Variants in BBS1 observed in about 807,000 individuals in gnomAD.
BBS1 encodes Bardet-Biedl syndrome 1.
BBS1 carries 60 observed loss-of-function variants against 73.9 expected under a neutral mutation model. The observed-to-expected ratio is 0.81, with a 90% CI of 0.66 to 1.01. The LOEUF is 1.01. BBS1 is among the 50% of genes least tolerant of loss of function. BBS1 has a pLI of 0.00. For synonymous variants in BBS1, 283 were observed against 317.4 expected (o/e 0.89, Z 1.15); for missense variants, 718 against 770.3 (o/e 0.93, Z 0.80).
rs1435869868 is a variant in BBS1 at position 66,533,292 on chromosome 11, TAC to T, written c.*1259_*1260del. Reference sequence around the variant, plus strand: ...ACATACCCACTTACTAATGTGGAATTACACAGTTTGTAACAAGAAAACAGTCT... The same window carrying T: ...ACATACCCACTTACTAATGTGGAATTACAGTTTGTAACAAGAAAACAGTCT... On this transcript the variant is annotated 3_prime_UTR_variant, in exon 17 of 17. Transcript: ENST00000318312. The T allele has an allele frequency of 2.0e-5, 3 of 152,356 alleles. No homozygotes were observed. Among genetic ancestry groups the T allele is most frequent in the South Asian group, 2.1e-4 (1 of 4,832 alleles). 9.4% of individuals were successfully genotyped at this position (152,356 alleles called of 1,614,324 possible).
intron 3 of BBS1, among the ~76,000 whole-genome samples, chr11:66,513,356 G>A (rs1038066081): frequency 2.0e-5 from 3 of 152,084 alleles, no homozygotes; most frequent in African/African-American, 7.2e-5. Context: ...AGAAAGTTGA[G>A]ACCCATATAA....
chr11:66,526,609 C>A, intron 12 of BBS1, 40 bp from the exon 13 acceptor site: 1 of 1,613,658 alleles, frequency 6.2e-7, no homozygotes, highest in Non-Finnish European at 8.5e-7. Flanking sequence ...GTGGGTAGAA[C>A]TGGGGAGGAC....
intron 9 of BBS1, 153 bp from the exon 10 acceptor site, chr11:66,523,303 C>CTT (rs1856321828): frequency 5.7e-6 from 6 of 1,056,328 alleles, no homozygotes; most frequent in Non-Finnish European, 8.8e-6. Flanking sequence ...CACACATTTA[C>CTT]TAAGGTGGCA....
Position 66,523,711 on chromosome 11 carries a change from T to C in BBS1, c.952-13T>C. 6.2e-7 allele frequency: 1 copy of C among 1,610,788 alleles called. No individual in the cohort carries two copies. The highest frequency in any genetic ancestry group is 1.1e-5 in the South Asian group (1 of 91,074). On this transcript the variant is annotated splice_polypyrimidine_tract_variant and intron_variant, in intron 10 of 16. Coordinates refer to ENST00000318312, the MANE Select transcript of BBS1 (RefSeq NM_024649.5). ...CCCTGAGCCCTCCACAGACGCTGGC[T>C]GTTCCCTGCCAGGGGAAGAAGCTGT...
chr11:66,531,753 C>T lies in BBS1; in HGVS notation c.1695+11C>T. ...TCAGACATCATCAAGGTAGGCCCCGCACTTGTACCACGTGGAAGGTGAGCA... is the reference window on the plus strand; with the variant it reads ...TCAGACATCATCAAGGTAGGCCCCGTACTTGTACCACGTGGAAGGTGAGCA... On this transcript the variant is annotated intron_variant, in intron 16 of 16. Transcript: ENST00000318312. 3 of 1,613,904 alleles carry T rather than the reference C, an allele frequency of 1.9e-6. No homozygotes were observed. Among genetic ancestry groups the T allele is most frequent in the Non-Finnish European group, 2.5e-6 (3 of 1,179,954 alleles).
intron 7 of BBS1, 93 bp downstream of exon 7, chr11:66,516,026 C>A: frequency 1.6e-6 from 2 of 1,257,858 alleles, no homozygotes; most frequent in South Asian, 1.2e-5. Flanking sequence ...ATAAGCAAAC[C>A]CAACCAGTAT....
At chr11:66,518,060 C>A (rs745632826) in intron 7 of BBS1, among the ~76,000 whole-genome samples, 7 of 150,174 alleles carry the variant, frequency 4.7e-5, no homozygotes, top group Non-Finnish European at 1.0e-4. Flanking sequence ...TGGGTTCAAG[C>A]GATTCTCCTG....
At chr11:66,531,884 G>T in intron 16 of BBS1, 67 bp from the exon 17 acceptor site, 1 of 1,580,598 alleles carries the variant, frequency 6.3e-7, no homozygotes, top group Non-Finnish European at 8.6e-7. Context: ...CTGTCATTAG[G>T]GCCAGCGCAG....
At chr11:66,512,269 G>T (rs188755290) in intron 3 of BBS1, among the ~76,000 whole-genome samples, 118 of 152,106 alleles carry the variant, frequency 7.8e-4, no homozygotes, top group African/African-American at 2.6e-3. Flanking sequence ...TAGTTTCAAA[G>T]AGGTGAAGTT....
chr11:66,523,719 G>T lies in BBS1; in HGVS notation c.952-5G>T. 6.2e-7 allele frequency: 1 copy of T among 1,610,858 alleles called. No individual in the cohort carries two copies. Among genetic ancestry groups the T allele is most frequent in the Non-Finnish European group, 8.5e-7 (1 of 1,179,980 alleles). On this transcript the variant is annotated splice_polypyrimidine_tract_variant and splice_region_variant and intron_variant, in intron 10 of 16. Coordinates refer to ENST00000318312, the MANE Select transcript of BBS1 (RefSeq NM_024649.5). ...CCTCCACAGACGCTGGCTGTTCCCT[G>T]CCAGGGGAAGAAGCTGTGGACAGTG... is the stretch of plus-strand genomic sequence containing the variant.
rs377037816 is a variant in BBS1 at position 66,514,476 on chromosome 11, T to A, written c.230T>A (p.Met77Lys). 8 of 1,614,214 alleles carry A rather than the reference T, an allele frequency of 5.0e-6. No individual in the cohort carries two copies. The highest frequency in any genetic ancestry group is 6.8e-6 in the Non-Finnish European group (8 of 1,180,038). Residue 77 changes from methionine to lysine, a missense_variant, in exon 4 of 17, where the codon ATG becomes AAG. Coordinates refer to ENST00000318312, the MANE Select transcript of BBS1 (RefSeq NM_024649.5). ...RLKVLKGPLV[M>K]TESPLPALPA... Reference sequence around the variant, plus strand: ...AAGGTGCTCAAAGGACCACTGGTGATGACCGAAAGCCCGCTACCTGCTCTG... The same window carrying A: ...AAGGTGCTCAAAGGACCACTGGTGAAGACCGAAAGCCCGCTACCTGCTCTG...
intron 9 of BBS1, 108 bp from the exon 10 acceptor site, chr11:66,523,348 G>T: frequency 6.7e-7 from 1 of 1,490,392 alleles, no homozygotes; most frequent in East Asian, 2.3e-5. Context: ...TCTGCTTTGG[G>T]GCCAGTGTTC....
chr11:66,525,512 G>A (rs188530912), intron 11 of BBS1, among the ~76,000 whole-genome samples: 8 of 150,916 alleles, frequency 5.3e-5, no homozygotes, highest in Admixed American at 4.0e-4. Context: ...GCAGTGAGCT[G>A]GAGATCACAC....
intron 3 of BBS1, among the ~76,000 whole-genome samples, chr11:66,511,497 T>G (rs751335279): frequency 6.6e-6 from 1 of 152,168 alleles, no homozygotes; most frequent in Non-Finnish European, 1.5e-5. Flanking sequence ...TAACCTGATT[T>G]CTTTGTTGGA....
At chr11:66,523,374 A>G in intron 9 of BBS1, 82 bp from the exon 10 acceptor site, 8 of 1,599,920 alleles carry the variant, frequency 5.0e-6, no homozygotes, top group Non-Finnish European at 6.9e-6. Flanking sequence ...AGGTGAGTCC[A>G]TGAGGTTTAG....
At chr11:66,529,176 G>C (rs1856650848) in intron 13 of BBS1, 5 of 1,452,222 alleles carry the variant, frequency 3.4e-6, no homozygotes, top group Non-Finnish European at 2.7e-6. Flanking sequence ...GTCTGGAAGA[G>C]GAGGGACAGT....
chr11:66,511,277 G>C (rs745550835), intron 3 of BBS1, 38 bp downstream of exon 3: 7 of 1,609,470 alleles, frequency 4.3e-6, no homozygotes, highest in Admixed American at 3.3e-5. Flanking sequence ...TTGAGGGTAG[G>C]GGGGTGTACC....
intron 7 of BBS1, among the ~76,000 whole-genome samples, chr11:66,517,262 G>A (rs988829324): frequency 2.0e-5 from 3 of 151,514 alleles, no homozygotes; most frequent in Non-Finnish European, 4.4e-5. Flanking sequence ...ATTTCTGTAG[G>A]AGAAATTCCT....
At chr11:66,511,266 G>C in intron 3 of BBS1, 27 bp downstream of exon 3, 2 of 1,613,708 alleles carry the variant, frequency 1.2e-6, no homozygotes, top group Non-Finnish European at 1.7e-6. Context: ...AGCCAGGAGA[G>C]TTGAGGGTAG....
Sources: allele counts gnomAD v4.1 joint callset (sites outside exome capture counted in the v4.1 genomes callset), GRCh38; gene constraint gnomAD v4.1.1; transcripts MANE v1.5; gene names NCBI Gene and HGNC (gene_info 2026-07-23, HGNC 2026-07-21).